The following CRYBA4 variants were observed in gnomAD, a reference collection of about 807,000 sequenced individuals.
CRYBA4 encodes the protein crystallin beta A4.
A neutral mutation model predicts 31.7 loss-of-function variants in CRYBA4; 30 were observed. That is an observed-to-expected ratio of 0.95 (90% CI 0.71 to 1.28). The LOEUF (loss-of-function observed/expected upper bound fraction) is 1.28. Among genes scored for constraint, CRYBA4 ranks in the 50% most tolerant of loss-of-function variants. The pLI is 0.00. For synonymous variants in CRYBA4, 102 were observed against 102.3 expected (o/e 1.00, Z 0.02); for missense variants, 225 against 260.7 (o/e 0.86, Z 0.94).
chr22:26,620,864 A>G (rs1299071752), upstream of CRYBA4, among the ~76,000 whole-genome samples: 1 of 152,148 alleles, frequency 6.6e-6, no homozygotes. Flanking sequence ...CGCCCAGCCT[A>G]AAGTCATGCG....
At chr22:26,620,507 T>A (rs1929498842), upstream of CRYBA4, among the ~76,000 whole-genome samples, 1 of 151,392 alleles carries the variant, frequency 6.6e-6, no homozygotes, top group South Asian at 2.1e-4. Context: ...AGAGGGTGCA[T>A]TGTTAACCTT....
the CRYBA4 span, chr22:26,602,030 A>G: frequency 6.2e-7 from 1 of 1,613,376 alleles, no homozygotes; most frequent in Non-Finnish European, 8.5e-7. Context: ...TCCTGGGGAA[A>G]GAGAGGCCGG....
intron 4 of CRYBA4, among the ~76,000 whole-genome samples, chr22:26,627,407 T>C (rs1385626624): frequency 6.1e-5 from 6 of 97,702 alleles, no homozygotes; most frequent in African/African-American, 3.7e-4. Flanking sequence ...TTTCTTTCTT[T>C]CTTTCTTTCT....
At chr22:26,614,162 C>G in the CRYBA4 span, among the ~76,000 whole-genome samples, 2 of 152,180 alleles carry the variant, frequency 1.3e-5, no homozygotes, top group South Asian at 4.1e-4. Context: ...TCCTGTGATC[C>G]TGTGATCTCT....
chr22:26,610,956 C>T, the CRYBA4 span, among the ~76,000 whole-genome samples: 5 of 152,146 alleles, frequency 3.3e-5, no homozygotes, highest in African/African-American at 9.7e-5. Flanking sequence ...GTGGGGGAGA[C>T]AAGAGCAAAC....
intron 4 of CRYBA4, among the ~76,000 whole-genome samples, chr22:26,627,352 C>CTTTCTTT (rs1929733950): frequency 2.4e-5 from 1 of 41,590 alleles, no homozygotes; most frequent in South Asian, 1.8e-3. Context: ...TCCCTCCCTC[C>CTTTCTTT]CTCCCTCCTT....
At chr22:26,594,406 T>A in the CRYBA4 span, among the ~76,000 whole-genome samples, 1 of 152,212 alleles carries the variant, frequency 6.6e-6, no homozygotes, top group Non-Finnish European at 1.5e-5. Context: ...GTTGGGCTTA[T>A]GCTCCAATGT....
In CRYBA4 at chr22:26,625,592, G is replaced by A. The variant is rs745887010; in HGVS notation, c.270G>A (p.Arg90=). The A allele has an allele frequency of 1.9e-6, 3 of 1,614,004 alleles. No individual in the cohort carries two copies. The highest frequency in any genetic ancestry group is 2.5e-6 in the Non-Finnish European group (3 of 1,180,010). The part of the protein sequence containing the change: ...WGGNTAYPAE[R]LTSFRPAACA... The stretch of plus-strand genomic sequence containing the variant: ...GCAACACGGCCTACCCCGCCGAGAG[G>A]CTCACCTCCTTCCGGCCTGCGGCCT... The change falls in exon 4 of 6, where the codon AGG becomes AGA. Residue 90 remains arginine, a synonymous_variant. Transcript: ENST00000354760.
chr22:26,623,116 G>A (rs1165426593), intron 2 of CRYBA4, 118 bp from the exon 3 acceptor site: 2 of 848,642 alleles, frequency 2.4e-6, no homozygotes, highest in Non-Finnish European at 4.0e-6. Flanking sequence ...CCTGGCTCCT[G>A]GAGGAATCTG....
the CRYBA4 span, among the ~76,000 whole-genome samples, chr22:26,603,120 C>T: frequency 5.6e-4 from 71 of 127,862 alleles, 2 homozygotes; most frequent in East Asian, 0.014. Flanking sequence ...AGCGAGACTC[C>T]GTCTCAAAAA....
the CRYBA4 span, among the ~76,000 whole-genome samples, chr22:26,613,113 T>C: frequency 6.6e-6 from 1 of 152,208 alleles, no homozygotes; most frequent in Non-Finnish European, 1.5e-5. Context: ...ACAGAGCTGA[T>C]GCTCAGGAGA....
the CRYBA4 span, among the ~76,000 whole-genome samples, chr22:26,608,883 A>G: frequency 6.6e-6 from 1 of 152,130 alleles, no homozygotes; most frequent in Non-Finnish European, 1.5e-5. Flanking sequence ...GCTTATGAAG[A>G]TGCTAGGTTC....
At position 26,623,362 on chromosome 22, in the gene CRYBA4, G is replaced by C; in HGVS notation, c.158+10G>C. 6.2e-7 allele frequency: 1 copy of C among 1,604,774 alleles called. No homozygotes were observed. The highest frequency in any genetic ancestry group is 8.5e-7 in the Non-Finnish European group (1 of 1,171,600). ...AAGTGCTGAGTGGAGCGTGAGTCTA[G>C]GGGGACACTGAGTTGGGGTAGAGGG... On this transcript the variant is annotated intron_variant, in intron 3 of 5. Transcript: ENST00000354760.
In CRYBA4 at chr22:26,630,356, T is replaced by A; in HGVS notation, c.460T>A (p.Phe154Ile). 1 of 1,614,236 alleles carries A rather than the reference T, an allele frequency of 6.2e-7. No individual in the cohort carries two copies. Among genetic ancestry groups the A allele is most frequent in the Non-Finnish European group, 8.5e-7 (1 of 1,180,020 alleles). ...CTTTTCCAGCTGGGTTTGCTCCCAG[T>A]TTCCGGGCTACCGAGGATTTCAGTA... is the stretch of plus-strand genomic sequence containing the variant. ...VHSGAWVCSQFPGYRGFQYVL... is the reference protein window; with the variant it reads ...VHSGAWVCSQIPGYRGFQYVL... The change falls in exon 6 of 6, where the codon TTT (phenylalanine) becomes ATT (isoleucine). Residue 154 changes from phenylalanine to isoleucine, a missense_variant. By Grantham distance (21) the Phe-to-Ile change is conservative (BLOSUM62 0). Transcript: ENST00000354760.
At chr22:26,616,253 C>T in the CRYBA4 span, 4 of 1,614,126 alleles carry the variant, frequency 2.5e-6, no homozygotes, top group East Asian at 6.7e-5. Context: ...GCCCCCTTCC[C>T]CTTGGTGTCA....
chr22:26,599,765 C>G, the CRYBA4 span: 1 of 975,340 alleles, frequency 1.0e-6, no homozygotes. Context: ...CTTCATTGAT[C>G]CCTGCAGTCG....
chr22:26,606,273 T>G, the CRYBA4 span, among the ~76,000 whole-genome samples: 2 of 152,236 alleles, frequency 1.3e-5, no homozygotes, highest in Non-Finnish European at 2.9e-5. Context: ...TTTCTAAACA[T>G]TTCTAATAAC....
At chr22:26,616,459 G>C in the CRYBA4 span, 8 of 706,276 alleles carry the variant, frequency 1.1e-5, no homozygotes, top group East Asian at 1.9e-4. Flanking sequence ...CTTCTGAAAC[G>C]GTTAAGCCTG....
At chr22:26,627,644 C>CTCTCTCTT (rs1555944407) in intron 4 of CRYBA4, among the ~76,000 whole-genome samples, 3 of 140,110 alleles carry the variant, frequency 2.1e-5, no homozygotes, top group Non-Finnish European at 3.1e-5. Flanking sequence ...TTCTCTCTCT[C>CTCTCTCTT]TCTTTCTTTC....
Sources: allele counts gnomAD v4.1 joint callset (sites outside exome capture counted in the v4.1 genomes callset), GRCh38; gene constraint gnomAD v4.1.1; transcripts MANE v1.5; gene names NCBI Gene and HGNC (gene_info 2026-07-23, HGNC 2026-07-21).